The following FIBCD1 variants were observed in gnomAD, a reference collection of about 807,000 sequenced individuals.
FIBCD1 encodes fibrinogen C domain containing 1, also known as fibrinogen C domain-containing protein 1.
Under a neutral mutation model 45.1 loss-of-function variants are expected in FIBCD1, and 47 were observed. That is an observed-to-expected ratio of 1.04 (90% CI 0.82 to 1.33). The LOEUF is 1.33. Ranked by LOEUF, FIBCD1 falls within the 40% of genes most tolerant of loss-of-function variation. FIBCD1 has a pLI of 0.00. For missense variants in FIBCD1, 653 were observed against 682.2 expected, an observed-to-expected ratio of 0.96 and a Z score of 0.48; for synonymous variants, 313 against 308.1, an observed-to-expected ratio of 1.02 and a Z score of -0.17.
rs748451709 is a variant in FIBCD1 at position 130,904,116 on chromosome 9, T to TA, written c.1333dup (p.Tyr445LeufsTer7). 13 of 1,613,136 alleles carry TA rather than the reference T, an allele frequency of 8.1e-6. No individual in the cohort carries two copies. The South Asian group carries it at 1.4e-4, about 18-fold the overall frequency. ...CTTCATCTCAGAGAACTTGAGTGAG[T>TA]ACTGCCAGCCGGTCCAGGAGGACCA... On this transcript the variant is annotated frameshift_variant, in exon 7 of 7. Coordinates refer to ENST00000372338, the MANE Select transcript of FIBCD1 (RefSeq NM_032843.5). LOFTEE classifies it high-confidence loss of function.
At position 130,921,500 on chromosome 9, in the gene FIBCD1, C is replaced by A. The variant is rs144015170; in HGVS notation, c.849+2244G>T. On this transcript the variant is annotated intron_variant, in intron 4 of 6. Coordinates refer to ENST00000372338, the MANE Select transcript of FIBCD1 (RefSeq NM_032843.5). ...GCCTCTCTCCCAGGGCCCCCGGAAC[C>A]GGGTGTCTGAGCGCCAGGGCTGGCG... is the stretch of plus-strand genomic sequence containing the variant. Among the ~76,000 whole-genome samples the A allele has an allele frequency of 7.4e-3, 1,133 of 152,348 alleles. 4 individuals carry two copies. The highest frequency in any genetic ancestry group is 0.01 in the Admixed American group (154 of 15,310).
intron 2 of FIBCD1, among the ~76,000 whole-genome samples, chr9:130,925,926 G>A (rs566269164): frequency 2.0e-5 from 3 of 152,330 alleles, no homozygotes; most frequent in South Asian, 4.1e-4. Flanking sequence ...TTCCCGGCTC[G>A]TCCAGAGGCA....
chr9:130,933,025 C>A (rs2133123392), intron 1 of FIBCD1, among the ~76,000 whole-genome samples: 1 of 152,294 alleles, frequency 6.6e-6, no homozygotes, highest in East Asian at 1.9e-4. Context: ...CACCCCTGCC[C>A]TATCTTGCAC....
At chr9:130,911,941 C>T in intron 4 of FIBCD1, 53 bp from the exon 5 acceptor site, 2 of 1,501,724 alleles carry the variant, frequency 1.3e-6, no homozygotes, top group Non-Finnish European at 9.1e-7. Context: ...CCAGGACTCG[C>T]AGCCCACCTG....
intron 4 of FIBCD1, among the ~76,000 whole-genome samples, chr9:130,913,088 A>G (rs1466697716): frequency 6.6e-6 from 1 of 152,116 alleles, no homozygotes; most frequent in Non-Finnish European, 1.5e-5. Flanking sequence ...GTTCATTTTA[A>G]TAACATTCTT....
Position 130,929,720 on chromosome 9 carries a change from C to A in FIBCD1, c.399G>T (p.Glu133Asp). Residue 133 changes from glutamate (E) to aspartate (D), a missense_variant, in exon 2 of 7, where the codon GAG (glutamate) becomes GAT (aspartate). By Grantham distance (45) the Glu-to-Asp change is conservative (BLOSUM62 2). Transcript: ENST00000372338. ...CGGCCAGCGTGTCCAGCAGCTCCTG[C>A]TCCTGGTCGCCCACCAGCCGTGGCT... ...QAQPRLVGDQEQELLDTLADQ... is the reference protein window; with the variant it reads ...QAQPRLVGDQDQELLDTLADQ... 1 of 1,592,458 alleles carries A rather than the reference C, an allele frequency of 6.3e-7. No homozygotes were observed. Among genetic ancestry groups the A allele is most frequent in the South Asian group, 1.1e-5 (1 of 87,856 alleles).
rs1041552718 is a variant in FIBCD1, at chr9:130,922,252, G to A, written c.849+1492C>T. Among the ~76,000 whole-genome samples, 5 of 152,252 alleles carry A rather than the reference G, an allele frequency of 3.3e-5. No individual in the cohort carries two copies. Among genetic ancestry groups the A allele is most frequent in the African/African-American group, 4.8e-5 (2 of 41,548 alleles). On this transcript the variant is annotated intron_variant, in intron 4 of 6. Transcript: ENST00000372338. The surrounding 1 kb of genome is among the most constrained non-coding windows in gnomAD (Gnocchi z 4.5). ...CACTCAGTGGCAGCAGCCCTGGGGCGGTGGGGTTCTCACCGGCCCACCCCC... is the reference window on the plus strand; with the variant it reads ...CACTCAGTGGCAGCAGCCCTGGGGCAGTGGGGTTCTCACCGGCCCACCCCC...
Position 130,904,442 on chromosome 9 carries a change from C to G in FIBCD1, c.1127-119G>C, listed in dbSNP as rs889556388. On this transcript the variant is annotated intron_variant, in intron 6 of 6. Transcript: ENST00000372338. ...ACCTGGACGTGAGTGCATACACGTA[C>G]GCACGTGCTCTCACACATACTGCTG... is the stretch of plus-strand genomic sequence containing the variant. 3.5e-5 allele frequency: 50 copies of G among 1,408,842 alleles called. 1 individual carries two copies. The East Asian group carries it at 1.1e-3, about 32-fold the overall frequency. 87.3% of individuals were successfully genotyped at this position (1,408,842 alleles called of 1,614,324 possible).
In FIBCD1 at chr9:130,905,316, C is replaced by A; in HGVS notation, c.1044G>T (p.Gly348=). ...FENGTAYARY[G]SFGVGLFSVD... ...CGGAGAACAAGCCCACGCCGAAGCT[C>A]CCGTAGCGGGCATAGGCCGTGCCAT... The change falls in exon 6 of 7, where the codon GGG becomes GGT. Residue 348 remains glycine (G), a synonymous_variant. Coordinates refer to ENST00000372338, the MANE Select transcript of FIBCD1 (RefSeq NM_032843.5). The A allele has an allele frequency of 6.2e-7, 1 of 1,614,068 alleles. No individual in the cohort carries two copies. Among genetic ancestry groups the A allele is most frequent in the South Asian group, 1.1e-5 (1 of 91,072 alleles).
At chr9:130,939,596 C>T (rs1314769257), upstream of FIBCD1, among the ~76,000 whole-genome samples, 9 of 151,992 alleles carry the variant, frequency 5.9e-5, no homozygotes, top group Admixed American at 5.9e-4. Flanking sequence ...TGGGGGTCCC[C>T]ACCACTGCCA....
At chr9:130,906,836 A>G (rs1022202125) in intron 5 of FIBCD1, among the ~76,000 whole-genome samples, 5 of 152,264 alleles carry the variant, frequency 3.3e-5, no homozygotes, top group Admixed American at 3.3e-4. Context: ...ATTTAATTAC[A>G]GAATCCCTGG....
chr9:130,928,919 G>A (rs1832399854), intron 2 of FIBCD1, among the ~76,000 whole-genome samples: 1 of 152,194 alleles, frequency 6.6e-6, no homozygotes, highest in Admixed American at 6.5e-5. Context: ...AACTTCTTGT[G>A]GGTGGTGCTT....
intron 1 of FIBCD1, among the ~76,000 whole-genome samples, chr9:130,930,353 T>G (rs1237601279): frequency 2.3e-5 from 3 of 133,288 alleles, no homozygotes; most frequent in Non-Finnish European, 3.2e-5. Context: ...CGCAGGGAGA[T>G]GCAGGGAGAC....
rs758517262 is a variant in FIBCD1 at position 130,938,617 on chromosome 9, G to A, written c.-10C>T. On this transcript the variant is annotated 5_prime_UTR_variant, in exon 1 of 7. Coordinates refer to ENST00000372338, the MANE Select transcript of FIBCD1 (RefSeq NM_032843.5). The stretch of plus-strand genomic sequence containing the variant: ...ACCGGTCGTTGACCATCTTCCGGCA[G>A]GACTGGCGGGGGCGCCGGGCGAGGC... 7.0e-7 allele frequency: 1 copy of A among 1,436,264 alleles called. No individual in the cohort carries two copies. Among genetic ancestry groups the A allele is most frequent in the Non-Finnish European group, 9.1e-7 (1 of 1,093,216 alleles). 89.0% of individuals were successfully genotyped at this position (1,436,264 alleles called of 1,614,324 possible).
chr9:130,912,186 C>T (rs540914775), intron 4 of FIBCD1, among the ~76,000 whole-genome samples: 178 of 152,178 alleles, frequency 1.2e-3, no homozygotes, highest in Admixed American at 2.2e-3. Flanking sequence ...CCCGGAATCC[C>T]AGCAAGGAAG....
intron 6 of FIBCD1, among the ~76,000 whole-genome samples, chr9:130,904,704 G>A (rs929695120): frequency 2.0e-5 from 3 of 152,146 alleles, no homozygotes; most frequent in Admixed American, 6.5e-5. Flanking sequence ...CCCGAACCCC[G>A]GGTCTCCTGA....
At chr9:130,916,474 C>T (rs1245080941) in intron 4 of FIBCD1, among the ~76,000 whole-genome samples, 2 of 152,236 alleles carry the variant, frequency 1.3e-5, no homozygotes, top group African/African-American at 4.8e-5. Context: ...GAGCCAATGA[C>T]AGCCCAACGT....
At chr9:130,931,614 G>T (rs1832448695) in intron 1 of FIBCD1, among the ~76,000 whole-genome samples, 1 of 152,262 alleles carries the variant, frequency 6.6e-6, no homozygotes, top group African/African-American at 2.4e-5. Flanking sequence ...CTTGTGGTGA[G>T]CGGAGGTGCC....
At chr9:130,924,202 A>C (rs1564338873) in intron 3 of FIBCD1, 35 bp downstream of exon 3, 1 of 1,528,516 alleles carries the variant, frequency 6.5e-7, no homozygotes, top group Non-Finnish European at 8.8e-7. Flanking sequence ...CTGGGACCCG[A>C]GGCACCGGAG....
Sources: gnomAD v4.1 joint callset for allele counts (sites outside exome capture counted in the v4.1 genomes callset) on GRCh38, gnomAD v4.1.1 for gene constraint, Gnocchi (gnomAD v3.1) non-coding constraint, MANE v1.5 for transcripts, NCBI Gene and HGNC (gene_info 2026-07-23, HGNC 2026-07-21) for gene names.